Variants in HS6ST3 observed in about 807,000 individuals in gnomAD.
HS6ST3 encodes heparan sulfate 6-O-sulfotransferase 3.
A neutral mutation model predicts 36.7 loss-of-function variants in HS6ST3; 12 were observed. That is an observed-to-expected ratio of 0.33 (90% CI 0.21 to 0.53). The LOEUF is 0.53. Among genes scored for constraint, HS6ST3 ranks in the 20% least tolerant of loss-of-function variants. The pLI is 0.95. For synonymous variants in HS6ST3, 240 were observed against 257.5 expected, an observed-to-expected ratio of 0.93 and a Z score of 0.65; for missense variants, 584 against 640.9, an observed-to-expected ratio of 0.91 and a Z score of 0.96.
rs1204032292 is a variant in HS6ST3, at chr13:96,835,310, A to C, written c.*2112A>C. The C allele has an allele frequency of 6.6e-6, 1 of 152,362 alleles. No homozygotes were observed. The highest frequency in any genetic ancestry group is 1.9e-4 in the East Asian group (1 of 5,192). 9.4% of individuals were successfully genotyped at this position (152,362 alleles called of 1,614,324 possible). A position where few individuals can be genotyped will look rare whatever the true frequency, so the allele number is the denominator to read the frequency against. Reference sequence around the variant, plus strand: ...CCAGCCCCCTCCACATCACTGAGCCATCAATGAGCTGAGAGATCAATGACT... The same window carrying C: ...CCAGCCCCCTCCACATCACTGAGCCCTCAATGAGCTGAGAGATCAATGACT... On this transcript the variant is annotated 3_prime_UTR_variant, in exon 2 of 2. Transcript: ENST00000376705.
chr13:96,411,570 T>C (rs1244731981), intron 1 of HS6ST3, among the ~76,000 whole-genome samples: 1 of 152,108 alleles, frequency 6.6e-6, no homozygotes, highest in Non-Finnish European at 1.5e-5. Flanking sequence ...GAACCAAGAC[T>C]TCATCTTGCA....
chr13:96,386,939 T>C (rs969572563), intron 1 of HS6ST3, among the ~76,000 whole-genome samples: 2 of 152,086 alleles, frequency 1.3e-5, no homozygotes, highest in Non-Finnish European at 2.9e-5. Flanking sequence ...CTCTCTCTCT[T>C]TTTTTTGGAA....
intron 1 of HS6ST3, among the ~76,000 whole-genome samples, chr13:96,276,517 A>C (rs2054749353): frequency 6.6e-6 from 1 of 152,218 alleles, no homozygotes; most frequent in African/African-American, 2.4e-5. Flanking sequence ...TTATTTTGGA[A>C]AGAGGACCAG....
At chr13:96,814,736 G>T (rs1265559517) in intron 1 of HS6ST3, among the ~76,000 whole-genome samples, 1 of 151,660 alleles carries the variant, frequency 6.6e-6, no homozygotes, top group African/African-American at 2.4e-5. Context: ...CTGACAAGTT[G>T]CCGGGTCCCC....
intron 1 of HS6ST3, among the ~76,000 whole-genome samples, chr13:96,352,744 A>G (rs1012900853): frequency 6.6e-6 from 1 of 152,212 alleles, no homozygotes; most frequent in African/African-American, 2.4e-5. Context: ...ATATCTGAGA[A>G]TAGCCAGAAA....
intron 1 of HS6ST3, among the ~76,000 whole-genome samples, chr13:96,820,377 G>A (rs1254197626): frequency 2.0e-5 from 3 of 152,108 alleles, no homozygotes; most frequent in Non-Finnish European, 4.4e-5. Flanking sequence ...GGAGAAGGGA[G>A]AACGCTGAAG....
At position 96,287,519 on chromosome 13, in the gene HS6ST3, C is replaced by T. The variant is rs2054809579; in HGVS notation, c.707+195950C>T. Among the ~76,000 whole-genome samples, 3 of 152,140 alleles carry T rather than the reference C, an allele frequency of 2.0e-5. 1 individual carries two copies. Among genetic ancestry groups the T allele is most frequent in the African/African-American group, 7.2e-5 (3 of 41,532 alleles). On this transcript the variant is annotated intron_variant, in intron 1 of 1. Coordinates refer to ENST00000376705, the MANE Select transcript of HS6ST3 (RefSeq NM_153456.4). ...TGAACATTTTAAAATGGAATAATACCTAACATAAAATTTAAAGTAACATTG... is the reference window on the plus strand; with the variant it reads ...TGAACATTTTAAAATGGAATAATACTTAACATAAAATTTAAAGTAACATTG...
In HS6ST3 at chr13:96,091,329, CG is replaced by C. The variant is rs753365436; in HGVS notation, c.473del (p.Gly158AlafsTer9). 1.2e-6 allele frequency: 2 copies of C among 1,614,042 alleles called. No homozygotes were observed. Among genetic ancestry groups the C allele is most frequent in the Admixed American group, 1.7e-5 (1 of 60,018 alleles). Reference protein sequence around the residue: ...DVIVFLHIQKTGGTTFGRHLV... With the variant: ...DVIVFLHIQKXGGTTFGRHLV... ...ATCGTGTTCCTCCACATCCAGAAGA[CG>C]GGGGGCACCACTTTCGGCCGGCACC... is the stretch of plus-strand genomic sequence containing the variant. On this transcript the variant is annotated frameshift_variant, in exon 1 of 2. Transcript: ENST00000376705. LOFTEE classifies it high-confidence loss of function.
At chr13:96,195,428 G>A (rs1160088386) in intron 1 of HS6ST3, among the ~76,000 whole-genome samples, 1 of 152,134 alleles carries the variant, frequency 6.6e-6, no homozygotes, top group Non-Finnish European at 1.5e-5. Flanking sequence ...TCTCATCTCT[G>A]TGCATAAGTG....
chr13:96,829,322 TTC>T (rs1878718967), intron 1 of HS6ST3, among the ~76,000 whole-genome samples: 1 of 152,106 alleles, frequency 6.6e-6, no homozygotes, highest in Non-Finnish European at 1.5e-5. Flanking sequence ...TTTTCAATTT[TTC>T]TTTTTTTTTT....
chr13:96,091,665 C>A (rs779868139), intron 1 of HS6ST3, 96 bp downstream of exon 1: 69 of 1,433,632 alleles, frequency 4.8e-5, no homozygotes, highest in Non-Finnish European at 6.0e-5. Flanking sequence ...CTGCCCCTGC[C>A]GATGGTTTCC....
chr13:96,182,741 G>T (rs1008641139), intron 1 of HS6ST3, among the ~76,000 whole-genome samples: 2 of 151,808 alleles, frequency 1.3e-5, no homozygotes, highest in Non-Finnish European at 2.9e-5. Flanking sequence ...AAAATTCCTT[G>T]TACTAATACT....
intron 1 of HS6ST3, among the ~76,000 whole-genome samples, chr13:96,590,491 G>C (rs2138975068): frequency 6.6e-6 from 1 of 151,716 alleles, no homozygotes; most frequent in South Asian, 2.1e-4. Context: ...GTCTTCTTTT[G>C]GGAATTGTCT....
chr13:96,217,794 G>A (rs2054434441), intron 1 of HS6ST3, among the ~76,000 whole-genome samples: 1 of 152,086 alleles, frequency 6.6e-6, no homozygotes, highest in Admixed American at 6.5e-5. Flanking sequence ...GCATGCATAT[G>A]CATATACATG....
chr13:96,115,764 A>C (rs1398861214), intron 1 of HS6ST3, among the ~76,000 whole-genome samples: 1 of 152,184 alleles, frequency 6.6e-6, no homozygotes, highest in Non-Finnish European at 1.5e-5. Flanking sequence ...TATACCCCAT[A>C]ATGGGATTGT....
At chr13:96,400,004 C>T (rs2139456642) in intron 1 of HS6ST3, among the ~76,000 whole-genome samples, 1 of 152,228 alleles carries the variant, frequency 6.6e-6, no homozygotes, top group Non-Finnish European at 1.5e-5. Context: ...ATCATTTTCA[C>T]TTCTAGGTTT....
chr13:96,108,307 C>T (rs570830530), intron 1 of HS6ST3, among the ~76,000 whole-genome samples: 1 of 152,250 alleles, frequency 6.6e-6, no homozygotes, highest in East Asian at 1.9e-4. Flanking sequence ...TCCAGCCTGG[C>T]GAATTCTAGT....
intron 1 of HS6ST3, among the ~76,000 whole-genome samples, chr13:96,317,275 G>A (rs1472178988): frequency 6.8e-6 from 1 of 146,826 alleles, no homozygotes; most frequent in African/African-American, 2.5e-5. Flanking sequence ...CTCCTTCCAT[G>A]TTGCAGCAAA....
At chr13:96,412,657 C>T (rs2055513634) in intron 1 of HS6ST3, among the ~76,000 whole-genome samples, 1 of 151,776 alleles carries the variant, frequency 6.6e-6, no homozygotes, top group African/African-American at 2.4e-5. Context: ...ATGTCAAAAC[C>T]ACAGAGAAGA....
Sources: allele counts gnomAD v4.1 joint callset (sites outside exome capture counted in the v4.1 genomes callset), GRCh38; gene constraint gnomAD v4.1.1; transcripts MANE v1.5; gene names NCBI Gene and HGNC (gene_info 2026-07-23, HGNC 2026-07-21).